Variants in RPN1 observed in about 807,000 individuals in gnomAD.
The protein encoded by RPN1 is ribophorin I.
Under a neutral mutation model 55.5 loss-of-function variants are expected in RPN1, and 12 were observed. That is an observed-to-expected ratio of 0.22 (90% CI 0.14 to 0.35). The LOEUF (loss-of-function observed/expected upper bound fraction) is 0.35, where lower values mean the gene tolerates loss of function less well. RPN1 is among the 10% of genes least tolerant of loss of function. The pLI is 1.00. For synonymous variants in RPN1, 317 were observed against 305.9 expected, an observed-to-expected ratio of 1.04 and a Z score of -0.38; for missense variants, 679 against 761.3, an observed-to-expected ratio of 0.89 and a Z score of 1.27.
intron 9 of RPN1, 50 bp from the exon 10 acceptor site, chr3:128,620,643 A>G: frequency 6.4e-7 from 1 of 1,565,612 alleles, no homozygotes; most frequent in Non-Finnish European, 8.7e-7. Flanking sequence ...CTCCCACCCC[A>G]CTCAGCAGGC....
intron 2 of RPN1, chr3:128,644,636 G>A: frequency 1.8e-6 from 1 of 560,104 alleles, no homozygotes; most frequent in South Asian, 1.5e-5. Flanking sequence ...ATGGAGCCTG[G>A]GCAACAGACC....
Position 128,640,830 on chromosome 3 carries a change from A to G in RPN1, c.327-2725T>C, listed in dbSNP as rs151156169. 1.2e-3 allele frequency among the ~76,000 whole-genome samples: 183 copies of G among 152,126 alleles called. 6 individuals are homozygous for G. The East Asian group carries it at 0.032, about 27-fold the overall frequency. On this transcript the variant is annotated intron_variant, in intron 2 of 9. Coordinates refer to ENST00000296255, the MANE Select transcript of RPN1 (RefSeq NM_002950.4). ...TGCCTAGACTACTGCATCTCTTCCT[A>G]TTAATCTCCTAATCTCCCTTCCCCC...
Position 128,633,301 on chromosome 3 carries a change from A to G in RPN1, c.634-1144T>C, listed in dbSNP as rs751799933. On this transcript the variant is annotated intron_variant, in intron 3 of 9. Coordinates refer to ENST00000296255, the MANE Select transcript of RPN1 (RefSeq NM_002950.4). Reference sequence around the variant, plus strand: ...AGTACAGTGGCACAATCTTGGCTCAATGCAGTCTCAACCTCCTGGGCTCAA... The same window carrying G: ...AGTACAGTGGCACAATCTTGGCTCAGTGCAGTCTCAACCTCCTGGGCTCAA... 9.9e-5 allele frequency among the ~76,000 whole-genome samples: 15 copies of G among 151,734 alleles called. No individual in the cohort carries two copies. The South Asian group carries it at 1.2e-3, about 13-fold the overall frequency.
chr3:128,648,840 T>C (rs2069790460), intron 1 of RPN1, among the ~76,000 whole-genome samples: 1 of 152,230 alleles, frequency 6.6e-6, no homozygotes, highest in African/African-American at 2.4e-5. Context: ...GGCAACATTA[T>C]ACAGTGTGAG....
Position 128,622,159 on chromosome 3 carries a change from C to G in RPN1, c.1641+5G>C. ...CCAAGCAACTCTGTGACGCCCGACA[C>G]TTACTCTGTCGCACAGATCAGAGCC... On this transcript the variant is annotated splice_donor_5th_base_variant and intron_variant, in intron 9 of 9. Coordinates refer to ENST00000296255, the MANE Select transcript of RPN1 (RefSeq NM_002950.4). 1 of 1,613,860 alleles carries G rather than the reference C, an allele frequency of 6.2e-7. No homozygotes were observed. Among genetic ancestry groups the G allele is most frequent in the South Asian group, 1.1e-5 (1 of 91,052 alleles).
chr3:128,620,654 C>G, intron 9 of RPN1, 61 bp from the exon 10 acceptor site: 1 of 1,532,830 alleles, frequency 6.5e-7, no homozygotes, highest in African/African-American at 1.4e-5. Flanking sequence ...CTCAGCAGGC[C>G]CCACCATCTC....
chr3:128,646,305 G>A (rs535757484), intron 1 of RPN1, among the ~76,000 whole-genome samples: 5 of 150,136 alleles, frequency 3.3e-5, no homozygotes, highest in Admixed American at 2.0e-4. Context: ...GACTGGTTTC[G>A]AACTCTTGGG....
chr3:128,650,296 G>A (rs116129937), intron 1 of RPN1, among the ~76,000 whole-genome samples: 4,285 of 152,282 alleles, frequency 0.028, 83 homozygotes, highest in Middle Eastern at 0.045. Context: ...GGGGCAGGCC[G>A]GTGCTGACGT....
intron 3 of RPN1, among the ~76,000 whole-genome samples, chr3:128,633,047 A>C (rs755461597): frequency 6.6e-6 from 1 of 152,202 alleles, no homozygotes; most frequent in Admixed American, 6.5e-5. Context: ...TTATTCACTC[A>C]TTCTATGACT....
At chr3:128,646,913 C>T (rs922710480) in intron 1 of RPN1, among the ~76,000 whole-genome samples, 1 of 151,020 alleles carries the variant, frequency 6.6e-6, no homozygotes, top group African/African-American at 2.4e-5. Context: ...GCAGAGGTTG[C>T]AGTGAGCTGA....
intron 3 of RPN1, among the ~76,000 whole-genome samples, chr3:128,632,983 A>G (rs990701906): frequency 6.6e-6 from 1 of 152,184 alleles, no homozygotes; most frequent in African/African-American, 2.4e-5. Context: ...CCAAAAGTCC[A>G]TGAAAAGGAC....
intron 2 of RPN1, among the ~76,000 whole-genome samples, chr3:128,641,567 C>G (rs1396461118): frequency 6.7e-6 from 1 of 150,116 alleles, no homozygotes; most frequent in East Asian, 1.9e-4. Context: ...TAAGTGCTTA[C>G]TAAGGCTCCA....
chr3:128,646,222 C>CAAAAAAA (rs397803037), intron 1 of RPN1, among the ~76,000 whole-genome samples: 3 of 67,706 alleles, frequency 4.4e-5, no homozygotes, highest in African/African-American at 1.1e-4. Flanking sequence ...GACTCCGTCT[C>CAAAAAAA]AAAAAAAAAA....
At chr3:128,627,161 ACAG>A (rs2069605318) in intron 5 of RPN1, 1 of 316,650 alleles carries the variant, frequency 3.2e-6, no homozygotes, top group Non-Finnish European at 6.2e-6. Context: ...CCTAGAGAGC[ACAG>A]CAGGCCAGTG....
rs879221646 is a variant in RPN1, at chr3:128,620,213, TAA to T, written c.*196_*197del. On this transcript the variant is annotated 3_prime_UTR_variant, in exon 10 of 10. Transcript: ENST00000296255. The stretch of plus-strand genomic sequence containing the variant: ...GAGTTTTTTTAAAGTTTTCTTTTTT[TAA>T]AAAAAAAAAAAAAGAAAGTTAAGGA... 1,031 of 326,878 alleles carry T rather than the reference TAA, an allele frequency of 3.2e-3. No individual in the cohort carries two copies. Among genetic ancestry groups the T allele is most frequent in the Middle Eastern group, 5.7e-3 (7 of 1,230 alleles). The allele number at this position is 326,878 out of a possible 1,614,324, so 20.2% of individuals were successfully genotyped here. A position where few individuals can be genotyped will look rare whatever the true frequency, so the allele number is the denominator to read the frequency against.
chr3:128,637,543 G>A (rs751154231), intron 3 of RPN1, among the ~76,000 whole-genome samples: 11 of 151,972 alleles, frequency 7.2e-5, no homozygotes, highest in Non-Finnish European at 1.3e-4. Flanking sequence ...CTGCCTCTGC[G>A]TGGAATGCCT....
At chr3:128,644,532 T>C (rs1318394364) in intron 2 of RPN1, 4 of 417,020 alleles carry the variant, frequency 9.6e-6, no homozygotes, top group African/African-American at 2.1e-5. Context: ...TGGTGGTACA[T>C]ACCTCTAGTC....
Position 128,620,430 on chromosome 3 carries a change from T to G in RPN1, c.1805A>C (p.His602Pro). 6.2e-7 allele frequency: 1 copy of G among 1,613,780 alleles called. No homozygotes were observed. Among genetic ancestry groups the G allele is most frequent in the Non-Finnish European group, 8.5e-7 (1 of 1,179,804 alleles). The stretch of plus-strand genomic sequence containing the variant: ...CAGGGGCTACAGGGCATCCAGGATG[T>G]GGTCGATCTTGGTGACCAGCTCCTG... ...KRQELVTKID[H>P]ILDAL The change falls in exon 10 of 10, where the codon CAC becomes CCC. Residue 602 changes from histidine (H) to proline (P), a missense_variant. Physicochemically the swap from His to Pro is moderately conservative, Grantham distance 77. This residue lies in a region of RPN1 where 306 missense variants were observed against 360.0 expected (regional missense o/e 0.85). Transcript: ENST00000296255.
intron 2 of RPN1, among the ~76,000 whole-genome samples, chr3:128,639,496 A>G (rs1327925926): frequency 6.6e-6 from 1 of 151,922 alleles, no homozygotes; most frequent in Non-Finnish European, 1.5e-5. Flanking sequence ...AAAGAATAGT[A>G]TTTCAAGGAA....
Sources: allele counts gnomAD v4.1 joint callset (sites outside exome capture counted in the v4.1 genomes callset), GRCh38; gene constraint gnomAD v4.1.1; regional missense constraint gnomAD v4.1.1; transcripts MANE v1.5; gene names NCBI Gene and HGNC (gene_info 2026-07-23, HGNC 2026-07-21).